The following GALNT10 variants were observed in gnomAD, a reference collection of about 807,000 sequenced individuals.
The protein encoded by GALNT10 is polypeptide N-acetylgalactosaminyltransferase 10.
GALNT10 carries 41 observed loss-of-function variants against 75.0 expected under a neutral mutation model. The observed-to-expected ratio is 0.55, with a 90% CI of 0.43 to 0.71. The LOEUF (loss-of-function observed/expected upper bound fraction) is 0.71, where lower values mean the gene tolerates loss of function less well. Ranked by LOEUF, GALNT10 falls within the 30% of genes least tolerant of loss-of-function variation. GALNT10 has a pLI of 0.00. For missense variants in GALNT10, 727 were observed against 818.5 expected (o/e 0.89, Z 1.36); for synonymous variants, 302 against 313.0 (o/e 0.96, Z 0.37).
At chr5:154,350,265 G>A (rs1364227424) in intron 4 of GALNT10, among the ~76,000 whole-genome samples, 1 of 152,190 alleles carries the variant, frequency 6.6e-6, no homozygotes, top group Admixed American at 6.5e-5. Flanking sequence ...GTTCTATAAT[G>A]TCAGGACTTG....
At chr5:154,214,531 T>C (rs1752835240) in intron 1 of GALNT10, among the ~76,000 whole-genome samples, 1 of 69,012 alleles carries the variant, frequency 1.4e-5, no homozygotes, top group South Asian at 4.8e-4. Flanking sequence ...AAATGCTTCC[T>C]TTTTTAAACT....
rs747372600 is a variant in GALNT10, at chr5:154,409,618, C to A, written c.1242C>A (p.His414Gln). Residue 414 changes from histidine (H) to glutamine (Q), a missense_variant, in exon 9 of 12, where the codon CAC becomes CAA. Physicochemically the swap from His to Gln is conservative, Grantham distance 24. Coordinates refer to ENST00000297107, the MANE Select transcript of GALNT10 (RefSeq NM_198321.4). The surrounding 1 kb of genome is among the most constrained non-coding windows in gnomAD (Gnocchi z 4.5). Reference sequence around the variant, plus strand: ...ACCAGCGCCGGCCTGAATACCGCCACCTCTCCGCTGGGGATGTCGCAGTCC... The same window carrying A: ...ACCAGCGCCGGCCTGAATACCGCCAACTCTCCGCTGGGGATGTCGCAGTCC... ...YIYQRRPEYR[H>Q]LSAGDVAVQK... 6.2e-7 allele frequency: 1 copy of A among 1,613,840 alleles called. No homozygotes were observed. Among genetic ancestry groups the A allele is most frequent in the South Asian group, 1.1e-5 (1 of 91,076 alleles).
Position 154,416,979 on chromosome 5 carries a change from A to G in GALNT10, c.*7A>G. 4 of 1,613,882 alleles carry G rather than the reference A, an allele frequency of 2.5e-6. No homozygotes were observed. The highest frequency in any genetic ancestry group is 3.4e-6 in the Non-Finnish European group (4 of 1,179,820). ...AAAATTCAATAGGAACTGAGCCCTCATGTCCCCTTGGCAGGCCCCCCAGGG... is the reference window on the plus strand; with the variant it reads ...AAAATTCAATAGGAACTGAGCCCTCGTGTCCCCTTGGCAGGCCCCCCAGGG... On this transcript the variant is annotated 3_prime_UTR_variant, in exon 12 of 12. Transcript: ENST00000297107. This position sits in a 1 kb window ranked among gnomAD's most constrained non-coding sequence, Gnocchi z 4.5.
chr5:154,270,565 C>T (rs1366006410), intron 1 of GALNT10, among the ~76,000 whole-genome samples: 10 of 152,060 alleles, frequency 6.6e-5, no homozygotes, highest in Non-Finnish European at 1.3e-4. Flanking sequence ...GTGCATGGTC[C>T]TTCACGTTAC....
At chr5:154,299,615 C>T (rs186652955) in intron 3 of GALNT10, among the ~76,000 whole-genome samples, 3 of 152,304 alleles carry the variant, frequency 2.0e-5, no homozygotes, top group Admixed American at 1.3e-4. Context: ...TACAAAATGC[C>T]TTCATTCCCA....
At chr5:154,348,403 G>A (rs1755159851) in intron 4 of GALNT10, among the ~76,000 whole-genome samples, 1 of 152,150 alleles carries the variant, frequency 6.6e-6, no homozygotes, top group Non-Finnish European at 1.5e-5. Context: ...AGCTATAAAT[G>A]CCAACTATTG....
chr5:154,210,061 GTTGACCTGCATCAT>G, intron 1 of GALNT10, among the ~76,000 whole-genome samples: 1 of 152,250 alleles, frequency 6.6e-6, no homozygotes, highest in East Asian at 1.9e-4. Flanking sequence ...CTAAGGGATG[GTTGACCTGCATCAT>G]TTTCATTTCC....
At chr5:154,362,019 C>T (rs998425421) in intron 4 of GALNT10, among the ~76,000 whole-genome samples, 1 of 152,162 alleles carries the variant, frequency 6.6e-6, no homozygotes, top group Non-Finnish European at 1.5e-5. Flanking sequence ...TGAATGGGAA[C>T]AAGATGCCTC....
intron 1 of GALNT10, among the ~76,000 whole-genome samples, chr5:154,260,798 T>G (rs772923568): frequency 3.3e-5 from 5 of 152,214 alleles, no homozygotes; most frequent in African/African-American, 7.2e-5. Flanking sequence ...CTATTTAGCT[T>G]CTTCACGTGA....
chr5:154,370,082 A>G (rs189439091), intron 4 of GALNT10, among the ~76,000 whole-genome samples: 28 of 152,376 alleles, frequency 1.8e-4, no homozygotes, highest in African/African-American at 6.5e-4. Context: ...AGCAAACTAT[A>G]TCTGAGTCCT....
At chr5:154,198,123 C>T (rs1774973256) in intron 1 of GALNT10, among the ~76,000 whole-genome samples, 1 of 152,168 alleles carries the variant, frequency 6.6e-6, no homozygotes, top group Non-Finnish European at 1.5e-5. Context: ...ACCTCAGCCT[C>T]CTCCTGTCTC....
chr5:154,376,808 G>C lies in GALNT10; in HGVS notation c.754+346G>C, dbSNP rs899846838. Among the ~76,000 whole-genome samples the C allele has an allele frequency of 1.3e-5, 2 of 152,140 alleles. No individual in the cohort carries two copies. Among genetic ancestry groups the C allele is most frequent in the Non-Finnish European group, 2.9e-5 (2 of 68,028 alleles). ...TGTTTGCTGTTAATAGCCAAACTGT[G>C]GGGGACATCATCATATCAACTTAGA... On this transcript the variant is annotated intron_variant, in intron 5 of 11. Transcript: ENST00000297107. This position sits in a 1 kb window ranked among gnomAD's most constrained non-coding sequence, Gnocchi z 4.1.
chr5:154,234,447 C>G (rs577048486), intron 1 of GALNT10, among the ~76,000 whole-genome samples: 33 of 152,352 alleles, frequency 2.2e-4, no homozygotes, highest in African/African-American at 6.7e-4. Flanking sequence ...GCATATTTAT[C>G]TATTCCTGGT....
At chr5:154,246,043 G>A (rs1243673516) in intron 1 of GALNT10, among the ~76,000 whole-genome samples, 1 of 150,932 alleles carries the variant, frequency 6.6e-6, no homozygotes, top group African/African-American at 2.4e-5. Context: ...CCACCTATGA[G>A]TGACAACATG....
intron 4 of GALNT10, among the ~76,000 whole-genome samples, chr5:154,344,039 C>T (rs890288589): frequency 6.6e-6 from 1 of 152,148 alleles, no homozygotes; most frequent in Non-Finnish European, 1.5e-5. Flanking sequence ...AACTGGATAG[C>T]TAATTCATAT....
At chr5:154,194,215 G>T (rs1034376058) in intron 1 of GALNT10, among the ~76,000 whole-genome samples, 2 of 152,214 alleles carry the variant, frequency 1.3e-5, no homozygotes, top group African/African-American at 4.8e-5. Context: ...TGGAATACCG[G>T]TGACTTTAAT....
chr5:154,376,517 T>C lies in GALNT10; in HGVS notation c.754+55T>C, dbSNP rs1455015365. ...GCAAACTGCAATGAGCCAGTGCCAG[T>C]GGCCCCCTCCTGCTGCAGGGAGCCA... On this transcript the variant is annotated intron_variant, in intron 5 of 11. Transcript: ENST00000297107. This position sits in a 1 kb window ranked among gnomAD's most constrained non-coding sequence, Gnocchi z 4.1. The C allele has an allele frequency of 7.5e-7, 1 of 1,335,724 alleles. No individual in the cohort carries two copies. The highest frequency in any genetic ancestry group is 2.4e-5 in the East Asian group (1 of 42,248). The allele number at this position is 1,335,724 out of a possible 1,614,324, so 82.7% of individuals were successfully genotyped here. A position where few individuals can be genotyped will look rare whatever the true frequency, so the allele number is the denominator to read the frequency against.
chr5:154,281,380 A>C (rs1447329716), intron 1 of GALNT10, among the ~76,000 whole-genome samples: 1 of 152,182 alleles, frequency 6.6e-6, no homozygotes, highest in East Asian at 1.9e-4. Context: ...AATAAAATTG[A>C]TTTTTGTATA....
intron 1 of GALNT10, among the ~76,000 whole-genome samples, chr5:154,207,877 G>T (rs149313076): frequency 6.6e-6 from 1 of 152,186 alleles, no homozygotes; most frequent in Non-Finnish European, 1.5e-5. Flanking sequence ...TCCCAGGAGC[G>T]TGAAGGGTGT....
Sources: allele counts gnomAD v4.1 joint callset (sites outside exome capture counted in the v4.1 genomes callset), GRCh38; gene constraint gnomAD v4.1.1; non-coding constraint Gnocchi (gnomAD v3.1); transcripts MANE v1.5; gene names NCBI Gene and HGNC (gene_info 2026-07-23, HGNC 2026-07-21).